Variants in EPHA7 observed in about 807,000 individuals in gnomAD.
The protein encoded by EPHA7 is EPH receptor A7, also known as ephrin type-A receptor 7.
EPHA7 carries 25 observed loss-of-function variants against 112.6 expected under a neutral mutation model. The ratio of observed to expected loss-of-function variants is 0.22; its 90% CI spans 0.16 to 0.31. The LOEUF (loss-of-function observed/expected upper bound fraction) is 0.31, where lower values mean the gene tolerates loss of function less well. Among genes scored for constraint, EPHA7 ranks in the 10% least tolerant of loss-of-function variants. The probability of loss-of-function intolerance (pLI) is 1.00; values close to 1 mark genes in which losing one functional copy is unlikely to be tolerated. For synonymous variants in EPHA7, 437 were observed against 406.5 expected (o/e 1.07, Z -0.90); for missense variants, 962 against 1,212.6 (o/e 0.79, Z 3.07).
chr6:93,406,984 G>T (rs952400005), intron 3 of EPHA7, among the ~76,000 whole-genome samples: 2 of 151,748 alleles, frequency 1.3e-5, no homozygotes, highest in African/African-American at 4.8e-5. Flanking sequence ...TATACTAAAT[G>T]AAATTATAAA....
intron 5 of EPHA7, among the ~76,000 whole-genome samples, chr6:93,279,234 GC>G (rs1771614648): frequency 6.6e-6 from 1 of 152,004 alleles, no homozygotes; most frequent in Admixed American, 6.6e-5. Flanking sequence ...ACAAATATGT[GC>G]ATGTTTTACA....
At chr6:93,286,940 A>C (rs1772095283) in intron 5 of EPHA7, among the ~76,000 whole-genome samples, 1 of 152,188 alleles carries the variant, frequency 6.6e-6, no homozygotes, top group African/African-American at 2.4e-5. Flanking sequence ...ACTAGCATGA[A>C]TATAGTACTT....
intron 3 of EPHA7, among the ~76,000 whole-genome samples, chr6:93,365,881 T>G (rs1042997939): frequency 1.3e-5 from 2 of 152,182 alleles, no homozygotes; most frequent in Middle Eastern, 3.2e-3. Flanking sequence ...TGTTATTAAT[T>G]TGTGTTATTT....
intron 5 of EPHA7, among the ~76,000 whole-genome samples, chr6:93,337,038 T>C (rs1328626912): frequency 6.6e-6 from 1 of 152,174 alleles, no homozygotes; most frequent in Non-Finnish European, 1.5e-5. Context: ...CTGCTGGTTT[T>C]GTTTTACTGT....
intron 3 of EPHA7, among the ~76,000 whole-genome samples, chr6:93,391,529 C>A (rs1028739329): frequency 1.3e-5 from 2 of 151,764 alleles, no homozygotes; most frequent in Non-Finnish European, 2.9e-5. Context: ...AGGCAAGGAG[C>A]CTGAACATGG....
chr6:93,269,319 T>C (rs1158574022), intron 7 of EPHA7, among the ~76,000 whole-genome samples, 158 bp downstream of exon 7: 1 of 151,790 alleles, frequency 6.6e-6, no homozygotes, highest in African/African-American at 2.4e-5. Context: ...AAATGTTAAA[T>C]TATTATGAAC....
intron 6 of EPHA7, among the ~76,000 whole-genome samples, chr6:93,269,967 A>G (rs558538415): frequency 8.6e-4 from 131 of 151,872 alleles, no homozygotes; most frequent in Non-Finnish European, 1.6e-3. Flanking sequence ...CTATTGGTCA[A>G]ACAGTGGGTA....
chr6:93,387,940 TA>T (rs1562146841), intron 3 of EPHA7, among the ~76,000 whole-genome samples: 1 of 150,922 alleles, frequency 6.6e-6, no homozygotes, highest in African/African-American at 2.4e-5. Context: ...GATAGATAGA[TA>T]GATAGATAGA....
At chr6:93,388,856 G>T (rs1777762490) in intron 3 of EPHA7, among the ~76,000 whole-genome samples, 1 of 152,020 alleles carries the variant, frequency 6.6e-6, no homozygotes, top group Admixed American at 6.6e-5. Context: ...AAAGATCTTA[G>T]AAACTATGGG....
intron 5 of EPHA7, among the ~76,000 whole-genome samples, chr6:93,339,359 T>A (rs1027656501): frequency 1.3e-5 from 2 of 151,846 alleles, no homozygotes; most frequent in African/African-American, 2.4e-5. Flanking sequence ...ATTAATCTTG[T>A]ATAATAATCA....
intron 3 of EPHA7, among the ~76,000 whole-genome samples, chr6:93,387,078 C>A (rs1777643591): frequency 6.6e-6 from 1 of 152,136 alleles, no homozygotes; most frequent in African/African-American, 2.4e-5. Context: ...CAAATTTCTG[C>A]AGCATATTTC....
At chr6:93,336,605 G>A (rs1295143667) in intron 5 of EPHA7, among the ~76,000 whole-genome samples, 2 of 152,014 alleles carry the variant, frequency 1.3e-5, no homozygotes, top group East Asian at 1.9e-4. Context: ...GTTTCACTGT[G>A]TTAGCCAGGA....
intron 3 of EPHA7, among the ~76,000 whole-genome samples, chr6:93,407,792 G>A (rs761458114): frequency 6.6e-6 from 1 of 151,856 alleles, no homozygotes; most frequent in Non-Finnish European, 1.5e-5. Flanking sequence ...GTAGTAAAAT[G>A]TTTCAATTCT....
chr6:93,241,839 T>C lies in EPHA7; in HGVS notation c.*1587A>G, dbSNP rs1769703485. 1 of 218,888 alleles carries C rather than the reference T, an allele frequency of 4.6e-6. No individual in the cohort carries two copies. Among genetic ancestry groups the C allele is most frequent in the African/African-American group, 2.2e-5 (1 of 44,546 alleles). 13.6% of individuals were successfully genotyped at this position (218,888 alleles called of 1,614,324 possible). On this transcript the variant is annotated 3_prime_UTR_variant, in exon 17 of 17. Coordinates refer to ENST00000369303, the MANE Select transcript of EPHA7 (RefSeq NM_004440.4). ...TGTGTACAAAACAAGACAGTATAAA[T>C]AAAATTTACAAGTTTTACAAAGGAA...
rs1776295522 is a variant in EPHA7 at position 93,362,200 on chromosome 6, T to C, written c.833-3789A>G. 7.2e-5 allele frequency among the ~76,000 whole-genome samples: 11 copies of C among 151,992 alleles called. No individual in the cohort carries two copies. In the South Asian group the frequency reaches 2.3e-3, roughly 31 times the overall value. On this transcript the variant is annotated intron_variant, in intron 3 of 16. Transcript: ENST00000369303. The stretch of plus-strand genomic sequence containing the variant: ...GTTAAGCAAGTTTTTGCTTAGTCTG[T>C]TCTTTAAATGCAAAACCACCAAAGA...
intron 3 of EPHA7, among the ~76,000 whole-genome samples, chr6:93,375,053 G>C (rs952569249): frequency 1.3e-5 from 2 of 151,974 alleles, no homozygotes; most frequent in Non-Finnish European, 1.5e-5. Flanking sequence ...TTTCAACTTA[G>C]AAATTCCTTT....
At chr6:93,382,130 T>C (rs1777365997) in intron 3 of EPHA7, among the ~76,000 whole-genome samples, 1 of 152,276 alleles carries the variant, frequency 6.6e-6, no homozygotes, top group East Asian at 1.9e-4. Flanking sequence ...TCTCACAGTA[T>C]AAAGAAGGTG....
At chr6:93,269,246 T>C (rs1771092152) in intron 7 of EPHA7, among the ~76,000 whole-genome samples, 1 of 151,734 alleles carries the variant, frequency 6.6e-6, no homozygotes, top group African/African-American at 2.4e-5. Context: ...AAAAAATAAA[T>C]CTTGTATGCG....
chr6:93,357,974 T>C (rs914318936), intron 4 of EPHA7, among the ~76,000 whole-genome samples: 3 of 152,176 alleles, frequency 2.0e-5, no homozygotes, highest in Non-Finnish European at 2.9e-5. Flanking sequence ...CTAATAACTT[T>C]TAATTTTACT....
Sources: gnomAD v4.1 joint callset for allele counts (sites outside exome capture counted in the v4.1 genomes callset) on GRCh38, gnomAD v4.1.1 for gene constraint, MANE v1.5 for transcripts, NCBI Gene and HGNC (gene_info 2026-07-23, HGNC 2026-07-21) for gene names.